STAU2: variants seen among roughly 807,000 people sequenced by gnomAD.
STAU2 encodes staufen double-stranded RNA binding protein 2, also known as double-stranded RNA-binding protein Staufen homolog 2.
In STAU2, 20 loss-of-function variants were observed where a neutral mutation model predicts 65.9. The observed-to-expected ratio is 0.30, with a 90% CI of 0.21 to 0.44. The LOEUF is 0.44. Among genes scored for constraint, STAU2 ranks in the 20% least tolerant of loss-of-function variants. The probability of loss-of-function intolerance (pLI) is 1.00; values close to 1 mark genes in which losing one functional copy is unlikely to be tolerated. For missense variants in STAU2, 558 were observed against 683.9 expected, an observed-to-expected ratio of 0.82 and a Z score of 2.05; for synonymous variants, 232 against 233.9, an observed-to-expected ratio of 0.99 and a Z score of 0.07.
At position 73,543,354 on chromosome 8, in the gene STAU2, T is replaced by C. The variant is rs147798193; in HGVS notation, c.1530+8658A>G. Reference sequence around the variant, plus strand: ...GGTAGTATACATTTTGGTGACTATATACATTTTTCAAAACTCATCAAACTG... The same window carrying C: ...GGTAGTATACATTTTGGTGACTATACACATTTTTCAAAACTCATCAAACTG... On this transcript the variant is annotated intron_variant, in intron 13 of 14. Transcript: ENST00000524300. Among the ~76,000 whole-genome samples, 227 of 152,352 alleles carry C rather than the reference T, an allele frequency of 1.5e-3. 1 individual carries two copies. Among genetic ancestry groups the C allele is most frequent in the African/African-American group, 5.3e-3 (219 of 41,574 alleles).
chr8:73,473,034 A>C (rs1563613009), intron 13 of STAU2, among the ~76,000 whole-genome samples: 1 of 152,242 alleles, frequency 6.6e-6, no homozygotes, highest in African/African-American at 2.4e-5. Flanking sequence ...TCAGAAAAAA[A>C]TATAACACTC....
chr8:73,433,741 G>A (rs768764685), intron 13 of STAU2, among the ~76,000 whole-genome samples: 2 of 151,876 alleles, frequency 1.3e-5, no homozygotes, highest in Admixed American at 6.5e-5. Flanking sequence ...GCTCTCAAGC[G>A]ATCCATCTGC....
At chr8:73,517,469 T>C (rs184877299) in intron 13 of STAU2, among the ~76,000 whole-genome samples, 296 of 152,092 alleles carry the variant, frequency 1.9e-3, no homozygotes, top group Non-Finnish European at 3.2e-3. Context: ...ATAAGCAGCA[T>C]ATGTGCAGGT....
chr8:73,559,931 A>C (rs1317264175), intron 12 of STAU2, among the ~76,000 whole-genome samples: 1 of 152,164 alleles, frequency 6.6e-6, no homozygotes, highest in Non-Finnish European at 1.5e-5. Context: ...GAAAACTAAA[A>C]AGAGAAAATG....
At chr8:73,628,579 C>G (rs1813861637) in intron 6 of STAU2, among the ~76,000 whole-genome samples, 1 of 152,098 alleles carries the variant, frequency 6.6e-6, no homozygotes, top group African/African-American at 2.4e-5. Context: ...TGTAGAAAAT[C>G]TCTCAAGTCC....
intron 12 of STAU2, among the ~76,000 whole-genome samples, chr8:73,571,488 G>T (rs978474052): frequency 4.1e-4 from 62 of 152,182 alleles, no homozygotes; most frequent in African/African-American, 1.4e-3. Context: ...ATTGATCACA[G>T]AGTTGGAAGT....
chr8:73,712,125 A>T (rs1221676519), intron 3 of STAU2, among the ~76,000 whole-genome samples: 1 of 152,190 alleles, frequency 6.6e-6, no homozygotes, highest in Non-Finnish European at 1.5e-5. Context: ...AATAGTGCAA[A>T]AAAGTGAGAA....
At chr8:73,637,525 A>C (rs894101316) in intron 6 of STAU2, among the ~76,000 whole-genome samples, 2 of 149,262 alleles carry the variant, frequency 1.3e-5, no homozygotes, top group Non-Finnish European at 3.0e-5. Flanking sequence ...AAAAAGAAAA[A>C]CTGTCAACTC....
At chr8:73,457,676 T>C (rs973897306) in intron 13 of STAU2, among the ~76,000 whole-genome samples, 1 of 152,230 alleles carries the variant, frequency 6.6e-6, no homozygotes, top group African/African-American at 2.4e-5. Context: ...TTTTCTTTGG[T>C]GTAATATTTG....
chr8:73,610,011 GCTCATGC>G (rs1812328054), intron 9 of STAU2, among the ~76,000 whole-genome samples: 1 of 152,150 alleles, frequency 6.6e-6, no homozygotes, highest in Non-Finnish European at 1.5e-5. Context: ...GGGCACAGTG[GCTCATGC>G]CTTTAATCGC....
At chr8:73,585,519 C>T (rs930255491) in intron 11 of STAU2, among the ~76,000 whole-genome samples, 5 of 152,190 alleles carry the variant, frequency 3.3e-5, no homozygotes, top group Non-Finnish European at 1.5e-5. Context: ...CAGTAGGTAA[C>T]ATATGATTTT....
chr8:73,628,962 A>G (rs2130005770), intron 6 of STAU2, among the ~76,000 whole-genome samples: 1 of 152,364 alleles, frequency 6.6e-6, no homozygotes, highest in Admixed American at 6.5e-5. Context: ...CCCAAAAGTA[A>G]CATGGAGACA....
rs558773160 is a variant in STAU2 at position 73,425,536 on chromosome 8, A to C, written c.1531-2834T>G. ...TGAGACAATACACTCCTGTTGATGA[A>C]GCCACTCAGTTGGTAGTACTTTACT... is the stretch of plus-strand genomic sequence containing the variant. On this transcript the variant is annotated intron_variant, in intron 13 of 14. Transcript: ENST00000524300. Among the ~76,000 whole-genome samples the C allele has an allele frequency of 2.6e-5, 4 of 152,232 alleles. No individual in the cohort carries two copies. The East Asian group carries it at 7.7e-4, about 29-fold the overall frequency.
At chr8:73,632,395 G>A (rs1409955233) in intron 6 of STAU2, among the ~76,000 whole-genome samples, 2 of 152,094 alleles carry the variant, frequency 1.3e-5, no homozygotes, top group African/African-American at 4.8e-5. Flanking sequence ...AAGTATTTGA[G>A]GAATCAACAT....
chr8:73,452,498 T>C (rs1818852512), intron 13 of STAU2, among the ~76,000 whole-genome samples: 1 of 152,184 alleles, frequency 6.6e-6, no homozygotes, highest in African/African-American at 2.4e-5. Flanking sequence ...CCCTGGCCAT[T>C]TCCCCCTGTA....
At position 73,622,735 on chromosome 8, in the gene STAU2, C is replaced by T. The variant is rs147866729; in HGVS notation, c.411-5284G>A. 2.7e-3 allele frequency among the ~76,000 whole-genome samples: 409 copies of T among 152,280 alleles called. 1 individual carries two copies. The highest frequency in any genetic ancestry group is 9.3e-3 in the African/African-American group (385 of 41,552). ...CAGAGATGTTTTATTGAGTGAATGG[C>T]TGCTGAAACAAACAGACAACCATGA... On this transcript the variant is annotated intron_variant, in intron 6 of 14. Transcript: ENST00000524300.
At chr8:73,644,017 G>A (rs933821078) in intron 6 of STAU2, among the ~76,000 whole-genome samples, 5 of 152,108 alleles carry the variant, frequency 3.3e-5, no homozygotes, top group Non-Finnish European at 7.4e-5. Flanking sequence ...TGAAAAATTA[G>A]AAATAGATTT....
At chr8:73,461,275 G>T (rs80292171) in intron 13 of STAU2, among the ~76,000 whole-genome samples, 1 of 152,172 alleles carries the variant, frequency 6.6e-6, no homozygotes, top group Admixed American at 6.5e-5. Flanking sequence ...AGATATACAC[G>T]ACAGATCAAA....
intron 3 of STAU2, among the ~76,000 whole-genome samples, chr8:73,725,697 C>A (rs1805571994): frequency 6.6e-6 from 1 of 152,200 alleles, no homozygotes; most frequent in East Asian, 1.9e-4. Flanking sequence ...TTTGGGAGGC[C>A]GAGGCAGGTG....
Sources: allele counts gnomAD v4.1 joint callset (sites outside exome capture counted in the v4.1 genomes callset), GRCh38; gene constraint gnomAD v4.1.1; transcripts MANE v1.5; gene names NCBI Gene and HGNC (gene_info 2026-07-23, HGNC 2026-07-21).